Variants in NMRAL1 observed in about 807,000 individuals in gnomAD.
NMRAL1 encodes the protein NmrA like redox sensor 1.
In NMRAL1, 32 loss-of-function variants were observed where a neutral mutation model predicts 27.5. That is an observed-to-expected ratio of 1.16 (90% CI 0.88 to 1.56). NMRAL1 has a LOEUF of 1.56. NMRAL1 is among the 40% of genes most tolerant of loss of function. The pLI is 0.00. For synonymous variants in NMRAL1, 166 were observed against 166.8 expected, an observed-to-expected ratio of 1.00 and a Z score of 0.04; for missense variants, 420 against 392.0, an observed-to-expected ratio of 1.07 and a Z score of -0.60.
At chr16:4,473,888 C>T (rs1258104154) in intron 2 of NMRAL1, among the ~76,000 whole-genome samples, 2 of 151,866 alleles carry the variant, frequency 1.3e-5, no homozygotes, top group African/African-American at 4.8e-5. Flanking sequence ...ATCGTGCCAT[C>T]GCACTGCAGC....
At chr16:4,470,113 G>A (rs896097962) in intron 2 of NMRAL1, among the ~76,000 whole-genome samples, 4 of 132,502 alleles carry the variant, frequency 3.0e-5, no homozygotes, top group Non-Finnish European at 6.2e-5. Context: ...AGTGAGCCCA[G>A]ATCACGCCAC....
chr16:4,463,956 C>T, intron 4 of NMRAL1, 106 bp from the exon 5 acceptor site: 2 of 785,928 alleles, frequency 2.5e-6, no homozygotes, highest in East Asian at 2.7e-5. Context: ...CAGTCAGCTG[C>T]ACACTCCAGC....
chr16:4,469,081 A>G, intron 3 of NMRAL1, 146 bp downstream of exon 3: 1 of 655,386 alleles, frequency 1.5e-6, no homozygotes, highest in Non-Finnish European at 2.7e-6. Flanking sequence ...AACAGCGTCC[A>G]CCTGCTTCAC....
chr16:4,469,250 T>G lies in NMRAL1; in HGVS notation c.256A>C (p.Ser86Arg), dbSNP rs1306410196. 6.2e-7 allele frequency: 1 copy of G among 1,613,990 alleles called. No individual in the cohort carries two copies. Among genetic ancestry groups the G allele is most frequent in the Admixed American group, 1.7e-5 (1 of 60,018 alleles). ...FIVTNYWESCSQEQEVKQGKL... is the reference protein window; with the variant it reads ...FIVTNYWESCRQEQEVKQGKL... ...ACCTGCTTGACCTCCTGCTCCTGGCTGCAGCTCTCCCAGTAATTGGTCACG... is the reference window on the plus strand; with the variant it reads ...ACCTGCTTGACCTCCTGCTCCTGGCGGCAGCTCTCCCAGTAATTGGTCACG... Residue 86 changes from serine to arginine, a missense_variant, in exon 3 of 6, where the codon AGC becomes CGC. Coordinates refer to ENST00000283429, the MANE Select transcript of NMRAL1 (RefSeq NM_020677.6).
chr16:4,463,560 T>C (rs2057192919), intron 5 of NMRAL1, 100 bp downstream of exon 5: 1 of 897,086 alleles, frequency 1.1e-6, no homozygotes, highest in Non-Finnish European at 1.7e-6. Flanking sequence ...TGAATTTAGA[T>C]GTACTGCCCA....
intron 1 of NMRAL1, 150 bp from the exon 2 acceptor site, chr16:4,474,316 G>A (rs1270073175): frequency 3.4e-6 from 2 of 583,222 alleles, no homozygotes; most frequent in Non-Finnish European, 3.1e-6. Flanking sequence ...AGATATCGGG[G>A]TCCCGCGACC....
intron 2 of NMRAL1, among the ~76,000 whole-genome samples, chr16:4,472,473 G>A (rs577648459): frequency 7.2e-5 from 11 of 151,948 alleles, no homozygotes; most frequent in Admixed American, 1.3e-4. Flanking sequence ...GGCCGGGCGC[G>A]GTGGCTCAAG....
chr16:4,474,473 T>C lies in NMRAL1; in HGVS notation c.-35+81A>G, dbSNP rs972166261. On this transcript the variant is annotated intron_variant, in intron 1 of 5. Coordinates refer to ENST00000283429, the MANE Select transcript of NMRAL1 (RefSeq NM_020677.6). The stretch of plus-strand genomic sequence containing the variant: ...AAGTTCCAGGAGCCCGGGACCCCGA[T>C]TCTGCGGCCGAGTCCACTGCAGAGG... 61 of 291,492 alleles carry C rather than the reference T, an allele frequency of 2.1e-4. 1 individual carries two copies. Among genetic ancestry groups the C allele is most frequent in the African/African-American group, 1.3e-3 (57 of 44,980 alleles). 18.1% of individuals were successfully genotyped at this position (291,492 alleles called of 1,614,324 possible). A position where few individuals can be genotyped will look rare whatever the true frequency, so the allele number is the denominator to read the frequency against.
In NMRAL1 at chr16:4,461,966, G is replaced by C. The variant is rs772504761; in HGVS notation, c.721-7C>G. The C allele has an allele frequency of 2.3e-5, 37 of 1,608,064 alleles. 1 individual carries two copies. The South Asian group carries it at 4.0e-4, about 17-fold the overall frequency. The stretch of plus-strand genomic sequence containing the variant: ...CGTAGTCCTCAGGAGTCATCTGGAA[G>C]CAGAGGAGCCTGTCGTGGCCGGCGT... On this transcript the variant is annotated splice_polypyrimidine_tract_variant and splice_region_variant and intron_variant, in intron 5 of 5. Coordinates refer to ENST00000283429, the MANE Select transcript of NMRAL1 (RefSeq NM_020677.6).
chr16:4,472,443 A>C (rs2057604270), intron 2 of NMRAL1, among the ~76,000 whole-genome samples: 1 of 152,132 alleles, frequency 6.6e-6, no homozygotes, highest in Non-Finnish European at 1.5e-5. Flanking sequence ...ACTCTGTCTT[A>C]AAAATAAAAA....
At chr16:4,473,354 T>G (rs1455827830) in intron 2 of NMRAL1, among the ~76,000 whole-genome samples, 4 of 152,154 alleles carry the variant, frequency 2.6e-5, no homozygotes, top group Non-Finnish European at 5.9e-5. Context: ...TAGAAACCAG[T>G]GAGTTGCACA....
intron 3 of NMRAL1, among the ~76,000 whole-genome samples, chr16:4,468,018 G>T (rs2057394504): frequency 6.6e-6 from 1 of 152,038 alleles, no homozygotes; most frequent in South Asian, 2.1e-4. Context: ...AGATCTGCTG[G>T]GCTGGGCGCA....
chr16:4,467,479 C>A (rs1702469586), intron 3 of NMRAL1, among the ~76,000 whole-genome samples: 1 of 151,628 alleles, frequency 6.6e-6, no homozygotes, highest in Admixed American at 6.6e-5. Flanking sequence ...AGTGATCTGC[C>A]CACCTCAGCC....
At chr16:4,467,961 C>G (rs539109748) in intron 3 of NMRAL1, among the ~76,000 whole-genome samples, 1 of 151,732 alleles carries the variant, frequency 6.6e-6, no homozygotes, top group South Asian at 2.1e-4. Flanking sequence ...GGTCCTTTTT[C>G]GTGACAGTAC....
chr16:4,467,901 T>C (rs1393122461), intron 3 of NMRAL1, among the ~76,000 whole-genome samples: 2 of 151,530 alleles, frequency 1.3e-5, no homozygotes, highest in Non-Finnish European at 2.9e-5. Context: ...ATTACAAGCA[T>C]GAGCCACTGT....
intron 2 of NMRAL1, among the ~76,000 whole-genome samples, chr16:4,471,060 T>C (rs865939972): frequency 4.0e-5 from 6 of 151,898 alleles, no homozygotes; most frequent in Middle Eastern, 3.4e-3. Context: ...TGAGCCGAGA[T>C]TGGGCCACTG....
rs1004633586 is a variant in NMRAL1, at chr16:4,463,806, C to T, written c.574G>A (p.Asp192Asn). The change falls in exon 5 of 6, where the codon GAC (aspartate) becomes AAC (asparagine). Residue 192 changes from aspartate to asparagine, a missense_variant. Coordinates refer to ENST00000283429, the MANE Select transcript of NMRAL1 (RefSeq NM_020677.6). ...AGGCTGAGCACCACAGGACCCAGGT[C>T]AGACACGGACATGCCATCCATGGGA... ...DVPMDGMSVS[D>N]LGPVVLSLLK... 6.2e-7 allele frequency: 1 copy of T among 1,613,996 alleles called. No homozygotes were observed. The highest frequency in any genetic ancestry group is 1.1e-5 in the South Asian group (1 of 91,078).
rs2057308706 is a variant in NMRAL1, at chr16:4,466,035, A to G, written c.529+118T>C. The G allele has an allele frequency of 2.4e-6, 3 of 1,271,080 alleles. No homozygotes were observed. The African/African-American group carries it at 4.4e-5, about 19-fold the overall frequency. 78.7% of individuals were successfully genotyped at this position (1,271,080 alleles called of 1,614,324 possible). ...ACAGGATGTGCTCAGTCCTGGGCCT[A>G]ACGTGAGGGAGCCACGGCTTGAACC... On this transcript the variant is annotated intron_variant, in intron 4 of 5. Transcript: ENST00000283429.
chr16:4,466,106 T>C, intron 4 of NMRAL1, 47 bp downstream of exon 4: 1 of 1,608,428 alleles, frequency 6.2e-7, no homozygotes, highest in Non-Finnish European at 8.5e-7. Context: ...CCAACGGCTT[T>C]ACAGGGTGAG....
Sources: allele counts gnomAD v4.1 joint callset (sites outside exome capture counted in the v4.1 genomes callset), GRCh38; gene constraint gnomAD v4.1.1; transcripts MANE v1.5; gene names NCBI Gene and HGNC (gene_info 2026-07-23, HGNC 2026-07-21).